The following LGMN variants were observed in gnomAD, a reference collection of about 807,000 sequenced individuals.
The protein encoded by LGMN is legumain.
In LGMN, 36 loss-of-function variants were observed where a neutral mutation model predicts 56.8. The ratio of observed to expected loss-of-function variants is 0.63; its 90% CI spans 0.49 to 0.84. The LOEUF is 0.84. LGMN is among the 40% of genes least tolerant of loss of function. The pLI is 0.00. For missense variants in LGMN, 446 were observed against 556.1 expected, an observed-to-expected ratio of 0.80 and a Z score of 1.99; for synonymous variants, 199 against 210.1, an observed-to-expected ratio of 0.95 and a Z score of 0.46.
Position 92,713,843 on chromosome 14 carries a change from T to G in LGMN, c.523A>C (p.Lys175Gln), listed in dbSNP as rs1488593754. The G allele has an allele frequency of 2.5e-6, 4 of 1,613,398 alleles. No homozygotes were observed. The Admixed American group carries it at 6.7e-5, about 27-fold the overall frequency. Residue 175 changes from lysine (K) to glutamine (Q), a missense_variant, in exon 7 of 14, where the codon AAA (lysine) becomes CAA (glutamine). Lys to Gln is a moderately conservative substitution (Grantham distance 53). Coordinates refer to ENST00000334869, the MANE Select transcript of LGMN (RefSeq NM_005606.7). ...DLNETIHYMY[K>Q]HKMYRKMVFY... ...ATTACCTTTCGGTACATTTTGTGTT[T>G]GTACATGTAATGGATGGTCTCATTC...
In LGMN at chr14:92,709,684, C is replaced by T. The variant is rs754945494; in HGVS notation, c.1008G>A (p.Gln336=). The part of the protein sequence containing the change: ...EESRQLTEEI[Q]RHLDARHLIE... ...CACCACTACTCACATCCAGATGCCG[C>T]TGGATCTCCTCCGTGAGCTGCCTGG... The change falls in exon 11 of 14, where the codon CAG becomes CAA. Residue 336 remains glutamine (Q), a synonymous_variant. Transcript: ENST00000334869. 21 of 1,613,218 alleles carry T rather than the reference C, an allele frequency of 1.3e-5. No homozygotes were observed. The highest frequency in any genetic ancestry group is 1.8e-5 in the Non-Finnish European group (21 of 1,179,828).
At chr14:92,713,209 G>A (rs946546299) in intron 7 of LGMN, among the ~76,000 whole-genome samples, 2 of 152,092 alleles carry the variant, frequency 1.3e-5, no homozygotes, top group African/African-American at 2.4e-5. Flanking sequence ...TTACTGTCAC[G>A]TATCACCCAA....
At chr14:92,704,506 G>A (rs976872975) in intron 13 of LGMN, 134 bp downstream of exon 13, 9 of 1,064,794 alleles carry the variant, frequency 8.5e-6, no homozygotes, top group Admixed American at 7.1e-5. Flanking sequence ...GGACCCTGCT[G>A]ACAAATGGCT....
intron 1 of LGMN, among the ~76,000 whole-genome samples, chr14:92,745,569 G>A (rs996567935): frequency 1.3e-5 from 2 of 152,064 alleles, no homozygotes; most frequent in East Asian, 3.9e-4. Context: ...CTTTCCAATC[G>A]ATTTATTATA....
chr14:92,726,237 CAA>C (rs371855377), intron 2 of LGMN, among the ~76,000 whole-genome samples: 10 of 117,904 alleles, frequency 8.5e-5, no homozygotes, highest in African/African-American at 1.3e-4. Flanking sequence ...GGCTCTGTCT[CAA>C]AAAAAAAAAA....
chr14:92,705,300 A>G (rs571736109), intron 12 of LGMN, among the ~76,000 whole-genome samples: 1 of 152,234 alleles, frequency 6.6e-6, no homozygotes, highest in South Asian at 2.1e-4. Context: ...CCAGAAGTTC[A>G]GGACCAGCCT....
chr14:92,730,860 G>A (rs1224376354), intron 2 of LGMN, among the ~76,000 whole-genome samples: 1 of 151,750 alleles, frequency 6.6e-6, no homozygotes, highest in Non-Finnish European at 1.5e-5. Flanking sequence ...AACTTGGGAG[G>A]TGGAAGCTGC....
intron 10 of LGMN, among the ~76,000 whole-genome samples, chr14:92,711,449 A>G (rs1317446050): frequency 6.6e-6 from 1 of 152,224 alleles, no homozygotes; most frequent in Non-Finnish European, 1.5e-5. Context: ...ACTTGCCCAA[A>G]GTCTCACAAC....
chr14:92,719,248 ACCACCACCACCGCCACCGCCGCCGCCG>A (rs1890277669), intron 2 of LGMN, among the ~76,000 whole-genome samples: 6 of 22,502 alleles, frequency 2.7e-4, no homozygotes, highest in East Asian at 1.4e-3. Context: ...CACCACCGCC[ACCACCACCACCGCCACCGCCGCCGCCG>A]CCACCGCCGC....
At chr14:92,730,732 G>A (rs540843898) in intron 2 of LGMN, among the ~76,000 whole-genome samples, 19 of 152,156 alleles carry the variant, frequency 1.2e-4, no homozygotes, top group Non-Finnish European at 2.2e-4. Context: ...ATCACCTGAG[G>A]TCAGGAGTTA....
chr14:92,715,155 C>A (rs755122356), intron 5 of LGMN, among the ~76,000 whole-genome samples: 2 of 151,948 alleles, frequency 1.3e-5, no homozygotes, highest in African/African-American at 4.8e-5. Context: ...CACGCCACCA[C>A]GCCTGGTTAA....
At chr14:92,724,461 A>G (rs1890646898) in intron 2 of LGMN, among the ~76,000 whole-genome samples, 1 of 152,210 alleles carries the variant, frequency 6.6e-6, no homozygotes. Flanking sequence ...TAAGTCAAAT[A>G]TTTACTAGCA....
Position 92,711,952 on chromosome 14 carries a change from T to C in LGMN, c.614A>G (p.Tyr205Cys). 6.2e-7 allele frequency: 1 copy of C among 1,601,492 alleles called. No individual in the cohort carries two copies. The highest frequency in any genetic ancestry group is 8.6e-7 in the Non-Finnish European group (1 of 1,168,508). The change falls in exon 9 of 14, where the codon TAT becomes TGT. Residue 205 changes from tyrosine (Y) to cysteine (C), a missense_variant. Transcript: ENST00000334869. ...MNHLPDNINV[Y>C]ATTAANPRES... ...TCTGGGGTTGGCAGCAGTAGTTGCA[T>C]AAACTACGAGGAATTAAAGATGATC...
chr14:92,716,182 C>T lies in LGMN; in HGVS notation c.358G>A (p.Asp120Asn), dbSNP rs755309129. ...PQNFLAVLRG[D>N]AEAVKGIGSG... ...CCTATGCCCTTCACTGCTTCTGCAT[C>T]GCCTCTCAACACAGCAAGGAAATTT... Residue 120 changes from aspartate to asparagine, a missense_variant, in exon 5 of 14, where the codon GAT becomes AAT. Asp to Asn is a conservative substitution (Grantham distance 23). Transcript: ENST00000334869. The T allele has an allele frequency of 4.3e-6, 7 of 1,613,526 alleles. 1 individual carries two copies. The highest frequency in any genetic ancestry group is 3.3e-5 in the South Asian group (3 of 91,054).
intron 11 of LGMN, among the ~76,000 whole-genome samples, chr14:92,708,315 T>C (rs913126424): frequency 6.6e-6 from 1 of 152,048 alleles, no homozygotes; most frequent in Non-Finnish European, 1.5e-5. Context: ...ATAAAGAGGT[T>C]TGGCCGGGTG....
In LGMN at chr14:92,709,706, C is replaced by T; in HGVS notation, c.986G>A (p.Arg329Lys). The change falls in exon 11 of 14, where the codon AGG becomes AAG. Residue 329 changes from arginine to lysine, a missense_variant. By Grantham distance (26) the Arg-to-Lys change is conservative (BLOSUM62 2). Transcript: ENST00000334869. Reference sequence around the variant, plus strand: ...CCGCTGGATCTCCTCCGTGAGCTGCCTGGACTCCTCCAGATCATTGGTGTT... The same window carrying T: ...CCGCTGGATCTCCTCCGTGAGCTGCTTGGACTCCTCCAGATCATTGGTGTT... ...LMNTNDLEES[R>K]QLTEEIQRHL... 6.2e-7 allele frequency: 1 copy of T among 1,613,822 alleles called. No homozygotes were observed.
intron 11 of LGMN, among the ~76,000 whole-genome samples, chr14:92,708,407 G>A (rs1889555791): frequency 1.3e-5 from 2 of 151,994 alleles, no homozygotes; most frequent in Non-Finnish European, 1.5e-5. Context: ...AGACCAGCCT[G>A]GGCAACATAG....
At position 92,714,467 on chromosome 14, in the gene LGMN, C is replaced by T. The variant is rs767143550; in HGVS notation, c.405-16G>A. Reference sequence around the variant, plus strand: ...CTGGGGGCCACTGCCAAGAAGGAATCGGGGGTCAATCATTTCCTTTTTCTG... The same window carrying T: ...CTGGGGGCCACTGCCAAGAAGGAATTGGGGGTCAATCATTTCCTTTTTCTG... On this transcript the variant is annotated splice_polypyrimidine_tract_variant and intron_variant, in intron 5 of 13. Coordinates refer to ENST00000334869, the MANE Select transcript of LGMN (RefSeq NM_005606.7). The surrounding 1 kb of genome is among the most constrained non-coding windows in gnomAD (Gnocchi z 5.1). 23 of 1,551,764 alleles carry T rather than the reference C, an allele frequency of 1.5e-5. No individual in the cohort carries two copies. The highest frequency in any genetic ancestry group is 1.7e-4 in the Middle Eastern group (1 of 5,944).
At chr14:92,740,209 T>C (rs1474696612) in intron 1 of LGMN, among the ~76,000 whole-genome samples, 1 of 152,020 alleles carries the variant, frequency 6.6e-6, no homozygotes, top group African/African-American at 2.4e-5. Context: ...GATCGCGCCA[T>C]TGCACTCCAG....
Sources: gnomAD v4.1 joint callset for allele counts (sites outside exome capture counted in the v4.1 genomes callset) on GRCh38, gnomAD v4.1.1 for gene constraint, Gnocchi (gnomAD v3.1) non-coding constraint, MANE v1.5 for transcripts, NCBI Gene and HGNC (gene_info 2026-07-23, HGNC 2026-07-21) for gene names.